Variants in CTNND2 observed in about 807,000 individuals in gnomAD.
CTNND2 encodes catenin delta 2, also known as catenin delta-2.
A neutral mutation model predicts 144.4 loss-of-function variants in CTNND2; 22 were observed. The ratio of observed to expected loss-of-function variants is 0.15; its 90% CI spans 0.11 to 0.22. CTNND2 has a LOEUF of 0.22. CTNND2 is among the 10% of genes least tolerant of loss of function. CTNND2 has a pLI of 1.00. For synonymous variants in CTNND2, 751 were observed against 695.6 expected (o/e 1.08, Z -1.25); for missense variants, 1,353 against 1,618.8 (o/e 0.84, Z 2.82).
chr5:11,141,363 T>C (rs1290022851), intron 12 of CTNND2, among the ~76,000 whole-genome samples: 1 of 152,066 alleles, frequency 6.6e-6, no homozygotes, highest in Non-Finnish European at 1.5e-5. Context: ...TTAGTGACAA[T>C]TGCATGCTTA....
At chr5:11,708,596 G>A (rs993003824) in intron 2 of CTNND2, among the ~76,000 whole-genome samples, 2 of 152,048 alleles carry the variant, frequency 1.3e-5, no homozygotes, top group Non-Finnish European at 2.9e-5. Context: ...CTTGCTTGGC[G>A]AGTCTGGGAT....
intron 8 of CTNND2, among the ~76,000 whole-genome samples, chr5:11,362,631 T>G (rs533589963): frequency 6.6e-6 from 1 of 152,296 alleles, no homozygotes; most frequent in East Asian, 1.9e-4. Flanking sequence ...AGGTGCAGGC[T>G]GGGTTGGGGT....
chr5:11,392,288 A>G (rs951136281), intron 6 of CTNND2, among the ~76,000 whole-genome samples: 1 of 152,210 alleles, frequency 6.6e-6, no homozygotes, highest in African/African-American at 2.4e-5. Flanking sequence ...TGTTCTGAAA[A>G]GTATTTCATA....
chr5:11,835,244 G>T (rs1049255628), intron 1 of CTNND2, among the ~76,000 whole-genome samples: 1 of 152,188 alleles, frequency 6.6e-6, no homozygotes, highest in Non-Finnish European at 1.5e-5. Flanking sequence ...TACTAATGAG[G>T]AGTATTGGCC....
chr5:11,694,519 A>G (rs1291771179), intron 2 of CTNND2, among the ~76,000 whole-genome samples: 4 of 152,206 alleles, frequency 2.6e-5, no homozygotes, highest in African/African-American at 9.6e-5. Flanking sequence ...TTGTTTGCAG[A>G]AGGAGAGCTG....
At chr5:11,579,203 C>T (rs1462532955) in intron 2 of CTNND2, among the ~76,000 whole-genome samples, 2 of 148,888 alleles carry the variant, frequency 1.3e-5, no homozygotes, top group Non-Finnish European at 3.0e-5. Context: ...GAATTAAGTA[C>T]AGCCTAGCAA....
rs1736288409 is a variant in CTNND2, at chr5:11,191,950, A to G, written c.1975+7498T>C. Among the ~76,000 whole-genome samples, 3 of 152,208 alleles carry G rather than the reference A, an allele frequency of 2.0e-5. No individual in the cohort carries two copies. In the South Asian group the frequency reaches 6.2e-4, roughly 32 times the overall value. On this transcript the variant is annotated intron_variant, in intron 11 of 21. Transcript: ENST00000304623. The stretch of plus-strand genomic sequence containing the variant: ...CCGTGTCAACTGCAGGCCCATCACC[A>G]GACACAGCGGCAAAGCCTTCCACAG...
intron 11 of CTNND2, among the ~76,000 whole-genome samples, chr5:11,183,602 G>C (rs1028675141): frequency 1.3e-5 from 2 of 150,742 alleles, no homozygotes; most frequent in Non-Finnish European, 2.9e-5. Context: ...CTGTTGCCCA[G>C]GCTAGAGTGC....
intron 2 of CTNND2, among the ~76,000 whole-genome samples, chr5:11,708,129 C>T (rs766021882): frequency 1.3e-5 from 2 of 151,818 alleles, no homozygotes. Flanking sequence ...TCACTACAAC[C>T]TCCCCATCCC....
At chr5:11,875,269 C>T (rs1735477955) in intron 1 of CTNND2, among the ~76,000 whole-genome samples, 1 of 152,174 alleles carries the variant, frequency 6.6e-6, no homozygotes, top group South Asian at 2.1e-4. Context: ...CCTCCCTCTT[C>T]CTACAACCTC....
At chr5:11,202,684 A>G (rs1455063322) in intron 10 of CTNND2, among the ~76,000 whole-genome samples, 2 of 152,102 alleles carry the variant, frequency 1.3e-5, no homozygotes, top group Non-Finnish European at 2.9e-5. Flanking sequence ...AGGCCCTGAC[A>G]TGGACTCCAG....
intron 2 of CTNND2, among the ~76,000 whole-genome samples, chr5:11,616,224 T>A (rs1348823873): frequency 6.6e-6 from 1 of 152,188 alleles, no homozygotes; most frequent in Admixed American, 6.5e-5. Context: ...ACAAAAATGA[T>A]CACTTTTTAC....
At chr5:11,467,667 G>A (rs1766806427) in intron 3 of CTNND2, among the ~76,000 whole-genome samples, 1 of 152,148 alleles carries the variant, frequency 6.6e-6, no homozygotes, top group East Asian at 1.9e-4. Context: ...GGGCTTCTGG[G>A]GGTAACATTT....
intron 2 of CTNND2, among the ~76,000 whole-genome samples, chr5:11,649,412 A>G (rs945677898): frequency 7.2e-5 from 11 of 152,032 alleles, no homozygotes; most frequent in African/African-American, 2.4e-4. Flanking sequence ...TTGCCTCCCA[A>G]GTTAAAGTGA....
intron 11 of CTNND2, among the ~76,000 whole-genome samples, chr5:11,164,631 T>C (rs1759121154): frequency 6.6e-6 from 1 of 152,148 alleles, no homozygotes; most frequent in Non-Finnish European, 1.5e-5. Context: ...ACAAGCTCCT[T>C]TGTGTCGCAG....
At chr5:11,893,497 T>C (rs1737154473) in intron 1 of CTNND2, among the ~76,000 whole-genome samples, 2 of 152,196 alleles carry the variant, frequency 1.3e-5, no homozygotes. Context: ...GACTCGCCCA[T>C]TATAATAGTT....
At chr5:11,624,520 C>T (rs1561632074) in intron 2 of CTNND2, among the ~76,000 whole-genome samples, 1 of 152,034 alleles carries the variant, frequency 6.6e-6, no homozygotes, top group Non-Finnish European at 1.5e-5. Context: ...TCAAAATGTA[C>T]TCTGTAGGTT....
At chr5:11,141,775 A>T (rs1756754804) in intron 12 of CTNND2, among the ~76,000 whole-genome samples, 1 of 152,212 alleles carries the variant, frequency 6.6e-6, no homozygotes. Flanking sequence ...ATGAATATGA[A>T]TGGCTGCTTG....
At chr5:11,799,001 T>C (rs1478136993) in intron 1 of CTNND2, among the ~76,000 whole-genome samples, 2 of 152,186 alleles carry the variant, frequency 1.3e-5, no homozygotes, top group Admixed American at 6.5e-5. Context: ...ACAAGAGTGC[T>C]ATCTCAGGAT....
Sources: gnomAD v4.1 joint callset for allele counts (sites outside exome capture counted in the v4.1 genomes callset) on GRCh38, gnomAD v4.1.1 for gene constraint, MANE v1.5 for transcripts, NCBI Gene and HGNC (gene_info 2026-07-23, HGNC 2026-07-21) for gene names.